The following DLG2 variants were observed in gnomAD, a reference collection of about 807,000 sequenced individuals.
DLG2 encodes discs large MAGUK scaffold protein 2, also known as disks large homolog 2.
In DLG2, 45 loss-of-function variants were observed where a neutral mutation model predicts 132.5. The ratio of observed to expected loss-of-function variants is 0.34; its 90% CI spans 0.27 to 0.44. DLG2 has a LOEUF of 0.44. DLG2 is among the 20% of genes least tolerant of loss of function. The probability of loss-of-function intolerance (pLI) is 1.00; values close to 1 mark genes in which losing one functional copy is unlikely to be tolerated. For missense variants in DLG2, 1,045 were observed against 1,196.9 expected (o/e 0.87, Z 1.87); for synonymous variants, 424 against 419.6 (o/e 1.01, Z -0.13).
intron 7 of DLG2, among the ~76,000 whole-genome samples, chr11:84,268,452 C>G (rs1056194343): frequency 1.4e-5 from 2 of 142,836 alleles, no homozygotes; most frequent in Admixed American, 1.5e-4. Flanking sequence ...GGGAAAGGTA[C>G]TTCACCTCTT....
chr11:83,486,371 T>C, intron 21 of DLG2: 1 of 569,948 alleles, frequency 1.8e-6, no homozygotes, highest in Non-Finnish European at 3.1e-6. Flanking sequence ...AAATTACACA[T>C]TTTCATGCAA....
chr11:84,326,635 C>T (rs1447314577), intron 7 of DLG2, among the ~76,000 whole-genome samples: 1 of 152,082 alleles, frequency 6.6e-6, no homozygotes, highest in East Asian at 1.9e-4. Flanking sequence ...GTTTTGAGAC[C>T]TAATATGTCA....
At chr11:85,133,993 T>C (rs1198663720) in intron 5 of DLG2, among the ~76,000 whole-genome samples, 1 of 150,612 alleles carries the variant, frequency 6.6e-6, no homozygotes, top group Non-Finnish European at 1.5e-5. Flanking sequence ...ACACAGGAGC[T>C]CAGAAAGGAG....
chr11:84,859,397 T>C (rs1043206014), intron 6 of DLG2, among the ~76,000 whole-genome samples: 7 of 144,760 alleles, frequency 4.8e-5, no homozygotes, highest in East Asian at 2.0e-4. Context: ...TACATATATA[T>C]GTATATATAC....
rs577436332 is a variant in DLG2, at chr11:84,532,598, T to C, written c.519+1972A>G. Among the ~76,000 whole-genome samples, 11 of 152,162 alleles carry C rather than the reference T, an allele frequency of 7.2e-5. 2 individuals are homozygous for C. The South Asian group carries it at 2.3e-3, about 32-fold the overall frequency. On this transcript the variant is annotated intron_variant, in intron 7 of 27. Transcript: ENST00000376104. The stretch of plus-strand genomic sequence containing the variant: ...CCAGCCTCAACTTCCTGGGCTCAAA[T>C]GATCCTCTCACCTCAGACTCCTCCA...
chr11:83,536,436 T>C (rs1422708244), intron 20 of DLG2, among the ~76,000 whole-genome samples: 1 of 152,206 alleles, frequency 6.6e-6, no homozygotes, highest in African/African-American at 2.4e-5. Context: ...AGGGAGGCTA[T>C]GTCTGTGGCT....
rs559199428 is a variant in DLG2, at chr11:84,615,818, T to TAAAAAAAAAAAAAAAAAAAAAAAAA, written c.358-81088_358-81087insTTTTTTTTTTTTTTTTTTTTTTTTT. ...AGAGAAAATTTCAGGACAAAAACGG[T>TAAAAAAAAAAAAAAAAAAAAAAAAA]AAAAAAAAAAAAAAAAAAAAAACTT... On this transcript the variant is annotated intron_variant, in intron 6 of 27. Coordinates refer to ENST00000376104, the MANE Select transcript of DLG2 (RefSeq NM_001142699.3). Among the ~76,000 whole-genome samples, 57 of 67,608 alleles carry TAAAAAAAAAAAAAAAAAAAAAAAAA rather than the reference T, an allele frequency of 8.4e-4. 5 individuals are homozygous for TAAAAAAAAAAAAAAAAAAAAAAAAA. The highest frequency in any genetic ancestry group is 1.6e-3 in the South Asian group (3 of 1,824). The allele number at this position is 67,608 out of a possible 152,430, so 44.4% of individuals were successfully genotyped here. A position where few individuals can be genotyped will look rare whatever the true frequency, so the allele number is the denominator to read the frequency against.
intron 15 of DLG2, among the ~76,000 whole-genome samples, chr11:83,899,472 G>A (rs1417080239): frequency 1.3e-5 from 2 of 152,168 alleles, no homozygotes; most frequent in African/African-American, 4.8e-5. Context: ...TCACCTTGTG[G>A]CTCCCATAAT....
At position 83,466,710 on chromosome 11, in the gene DLG2, A is replaced by C. The variant is rs1180640063; in HGVS notation, c.2727T>G (p.Leu909=). The change falls in exon 26 of 28, where the codon CTT becomes CTG. Residue 909 remains leucine, a splice_region_variant and synonymous_variant. Transcript: ENST00000376104. ...GGCCTCCAATGCCCTCTACTCACAT[A>C]AGAGGTTCCAGAGACCTGGGTTTTA... ...IFIKPRSLEP[L]MEMNKRLTEE... 6.3e-7 allele frequency: 1 copy of C among 1,591,838 alleles called. No homozygotes were observed. The highest frequency in any genetic ancestry group is 8.6e-7 in the Non-Finnish European group (1 of 1,159,724).
At chr11:83,667,705 C>G (rs12277491) in intron 18 of DLG2, among the ~76,000 whole-genome samples, 1 of 152,178 alleles carries the variant, frequency 6.6e-6, no homozygotes, top group African/African-American at 2.4e-5. Context: ...AGAGGCCGGG[C>G]GCAGTGGCTC....
intron 19 of DLG2, among the ~76,000 whole-genome samples, chr11:83,596,818 G>GT (rs59431316): frequency 5.9e-5 from 9 of 151,774 alleles, no homozygotes; most frequent in East Asian, 1.9e-4. Context: ...TTCTTTTTCT[G>GT]TTTTTTTTCT....
At chr11:85,615,479 T>G (rs2081274109) in intron 2 of DLG2, among the ~76,000 whole-genome samples, 1 of 151,952 alleles carries the variant, frequency 6.6e-6, no homozygotes, top group Non-Finnish European at 1.5e-5. Context: ...ATCATGCCAC[T>G]GCACTCCAGC....
chr11:83,647,668 A>T (rs2068657836), intron 18 of DLG2: 1 of 152,156 alleles, frequency 6.6e-6, no homozygotes, highest in Admixed American at 6.6e-5. Context: ...TCCAGCTTCC[A>T]AAGTTTTGTT....
At chr11:83,611,600 T>C (rs1166558253) in intron 19 of DLG2, among the ~76,000 whole-genome samples, 1 of 152,238 alleles carries the variant, frequency 6.6e-6, no homozygotes, top group Non-Finnish European at 1.5e-5. Flanking sequence ...ATGGAAATTA[T>C]TTCAATAACA....
chr11:85,161,478 G>T (rs924300156), intron 4 of DLG2, among the ~76,000 whole-genome samples: 1 of 152,148 alleles, frequency 6.6e-6, no homozygotes, highest in Non-Finnish European at 1.5e-5. Flanking sequence ...TGATTATATT[G>T]GACCTCTTCC....
chr11:85,463,606 A>G (rs1018307614), intron 3 of DLG2, among the ~76,000 whole-genome samples: 15 of 152,120 alleles, frequency 9.9e-5, no homozygotes, highest in African/African-American at 3.6e-4. Flanking sequence ...TAGTCTATAA[A>G]AAAATTTTTT....
intron 6 of DLG2, chr11:84,720,726 A>T (rs1228679202): frequency 6.6e-6 from 1 of 152,482 alleles, no homozygotes; most frequent in Non-Finnish European, 1.5e-5. Context: ...CACTTAGAGG[A>T]GGGTTCAAAG....
chr11:83,633,594 G>A (rs2063968048), intron 18 of DLG2, among the ~76,000 whole-genome samples: 1 of 152,052 alleles, frequency 6.6e-6, no homozygotes, highest in Admixed American at 6.6e-5. Flanking sequence ...GGCTGGGAGA[G>A]GGAGGATGGG....
At chr11:84,537,749 C>G (rs556777641) in intron 6 of DLG2, among the ~76,000 whole-genome samples, 1 of 152,334 alleles carries the variant, frequency 6.6e-6, no homozygotes, top group East Asian at 1.9e-4. Context: ...TTTATTCTCA[C>G]ATCTCCAGTC....
Sources: allele counts gnomAD v4.1 joint callset (sites outside exome capture counted in the v4.1 genomes callset), GRCh38; gene constraint gnomAD v4.1.1; transcripts MANE v1.5; gene names NCBI Gene and HGNC (gene_info 2026-07-23, HGNC 2026-07-21).